PDHX: variants seen among roughly 807,000 people sequenced by gnomAD.
PDHX encodes pyruvate dehydrogenase complex component X, also known as pyruvate dehydrogenase protein X component, mitochondrial.
PDHX carries 33 observed loss-of-function variants against 55.3 expected under a neutral mutation model. The ratio of observed to expected loss-of-function variants is 0.60; its 90% CI spans 0.45 to 0.80. The LOEUF (loss-of-function observed/expected upper bound fraction) is 0.80. Ranked by LOEUF, PDHX falls within the 30% of genes least tolerant of loss-of-function variation. The pLI is 0.00. For missense variants in PDHX, 622 were observed against 619.9 expected (o/e 1.00, Z -0.04); for synonymous variants, 226 against 219.4 (o/e 1.03, Z -0.27).
chr11:34,995,098 G>A lies in PDHX; in HGVS notation c.1432G>A (p.Val478Ile), dbSNP rs1021125938. 5 of 1,613,942 alleles carry A rather than the reference G, an allele frequency of 3.1e-6. No individual in the cohort carries two copies. In the African/African-American group the frequency reaches 5.3e-5, roughly 17 times the overall value. The change falls in exon 11 of 11, where the codon GTT becomes ATT. Residue 478 changes from valine (V) to isoleucine (I), a missense_variant. By Grantham distance (29) the Val-to-Ile change is conservative. Coordinates refer to ENST00000227868, the MANE Select transcript of PDHX (RefSeq NM_003477.3). ...TVTMSSDSRVVDDELATRFLK... is the reference protein window; with the variant it reads ...TVTMSSDSRVIDDELATRFLK... ...CACAATGTCAAGTGACAGTCGAGTG[G>A]TTGATGACGAACTGGCAACCAGGTT...
chr11:34,916,654 A>G lies in PDHX; in HGVS notation c.-2A>G. The G allele has an allele frequency of 6.2e-7, 1 of 1,608,422 alleles. No individual in the cohort carries two copies. Among genetic ancestry groups the G allele is most frequent in the East Asian group, 2.2e-5 (1 of 44,876 alleles). On this transcript the variant is annotated 5_prime_UTR_variant, in exon 1 of 11. Transcript: ENST00000227868. ...CGGGCAGCCAGTGAGAAGGCCGTCAAGATGGCGGCCTCCTGGAGGCTGGGC... is the reference window on the plus strand; with the variant it reads ...CGGGCAGCCAGTGAGAAGGCCGTCAGGATGGCGGCCTCCTGGAGGCTGGGC...
intron 1 of PDHX, among the ~76,000 whole-genome samples, chr11:34,928,659 A>G (rs1291267773): frequency 6.6e-6 from 1 of 152,150 alleles, no homozygotes; most frequent in Non-Finnish European, 1.5e-5. Context: ...GTTATCTCCA[A>G]ATGCATTCAG....
At chr11:34,951,049 CTTT>C (rs1179399887) in intron 3 of PDHX, among the ~76,000 whole-genome samples, 29 of 88,590 alleles carry the variant, frequency 3.3e-4, no homozygotes, top group African/African-American at 1.2e-3. Flanking sequence ...TGTTTCCTGA[CTTT>C]TTTTTTTTTT....
intron 10 of PDHX, 94 bp from the exon 11 acceptor site, chr11:34,994,820 C>A: frequency 7.2e-7 from 1 of 1,388,536 alleles, no homozygotes; most frequent in Non-Finnish European, 1.0e-6. Context: ...TGCCTTACTA[C>A]ACTGCCTAGT....
intron 1 of PDHX, among the ~76,000 whole-genome samples, chr11:34,922,324 G>T (rs1297192786): frequency 6.6e-6 from 1 of 152,156 alleles, no homozygotes; most frequent in Non-Finnish European, 1.5e-5. Flanking sequence ...GGATAGGTTT[G>T]GGAATAATAA....
chr11:34,935,314 T>G (rs1355105288), intron 2 of PDHX, among the ~76,000 whole-genome samples: 1 of 152,202 alleles, frequency 6.6e-6, no homozygotes. Flanking sequence ...AAAGCTGTAT[T>G]ATGTCACTGT....
intron 3 of PDHX, among the ~76,000 whole-genome samples, chr11:34,952,198 A>G (rs1854790160): frequency 6.6e-6 from 1 of 152,192 alleles, no homozygotes; most frequent in Non-Finnish European, 1.5e-5. Flanking sequence ...GCAATAATCA[A>G]TAGCTTACCA....
chr11:34,929,140 G>T (rs2062438683), intron 1 of PDHX, among the ~76,000 whole-genome samples: 1 of 95,056 alleles, frequency 1.1e-5, no homozygotes, highest in African/African-American at 4.3e-5. Context: ...AACTCATTGT[G>T]GCTATTTTTC....
At chr11:34,919,938 A>G (rs567535847) in intron 1 of PDHX, among the ~76,000 whole-genome samples, 1 of 152,320 alleles carries the variant, frequency 6.6e-6, no homozygotes, top group Non-Finnish European at 1.5e-5. Context: ...GCTGATCCTT[A>G]AGGTATTTGT....
chr11:34,916,141 C>G, upstream of PDHX: 1 of 1,524,084 alleles, frequency 6.6e-7, no homozygotes, highest in Non-Finnish European at 8.8e-7. Flanking sequence ...AACGCCCGGC[C>G]CGCTACCCTG....
chr11:34,927,778 G>A (rs113150462), intron 1 of PDHX, among the ~76,000 whole-genome samples: 10 of 152,020 alleles, frequency 6.6e-5, no homozygotes, highest in Non-Finnish European at 7.4e-5. Context: ...TTAACTCTCC[G>A]TAATAAGCGA....
chr11:34,958,303 G>C (rs6484749), intron 4 of PDHX, among the ~76,000 whole-genome samples: 1 of 151,758 alleles, frequency 6.6e-6, no homozygotes, highest in African/African-American at 2.4e-5. Context: ...TTTAGGGGGG[G>C]GCGTGCGGAG....
chr11:34,946,219 A>G (rs1854615555), intron 2 of PDHX, among the ~76,000 whole-genome samples: 1 of 150,992 alleles, frequency 6.6e-6, no homozygotes, highest in Non-Finnish European at 1.5e-5. Context: ...GTTTCTTTTT[A>G]TTTCAATTAC....
At chr11:34,959,768 G>A (rs545401815) in intron 4 of PDHX, among the ~76,000 whole-genome samples, 1 of 152,188 alleles carries the variant, frequency 6.6e-6, no homozygotes, top group South Asian at 2.1e-4. Flanking sequence ...GATAAACCTT[G>A]AGAATATTAT....
At chr11:34,917,606 T>C (rs888558322) in intron 1 of PDHX, among the ~76,000 whole-genome samples, 2 of 152,102 alleles carry the variant, frequency 1.3e-5, no homozygotes, top group Non-Finnish European at 2.9e-5. Context: ...CCAATCATCG[T>C]TCCTGGCACT....
chr11:34,972,623 T>C (rs1855281756), intron 7 of PDHX, among the ~76,000 whole-genome samples: 1 of 152,134 alleles, frequency 6.6e-6, no homozygotes, highest in Non-Finnish European at 1.5e-5. Flanking sequence ...GGTCTCAAAC[T>C]CCTGGCCTCA....
At chr11:34,947,744 G>C (rs541327759) in intron 3 of PDHX, 138 bp downstream of exon 3, 4 of 667,742 alleles carry the variant, frequency 6.0e-6, no homozygotes, top group South Asian at 5.1e-5. Context: ...TTTAGTTCAA[G>C]TGTTTAAAAT....
intron 2 of PDHX, among the ~76,000 whole-genome samples, chr11:34,936,059 G>A (rs1404728323): frequency 6.6e-6 from 1 of 152,196 alleles, no homozygotes; most frequent in Non-Finnish European, 1.5e-5. Context: ...ACTAATGACA[G>A]ATGTGGGGAT....
chr11:34,921,295 T>C (rs1853873409), intron 1 of PDHX, among the ~76,000 whole-genome samples: 1 of 152,246 alleles, frequency 6.6e-6, no homozygotes, highest in South Asian at 2.1e-4. Flanking sequence ...CTTGCAATTA[T>C]CAATCTGTTT....
Sources: allele counts gnomAD v4.1 joint callset (sites outside exome capture counted in the v4.1 genomes callset), GRCh38; gene constraint gnomAD v4.1.1; transcripts MANE v1.5; gene names NCBI Gene and HGNC (gene_info 2026-07-23, HGNC 2026-07-21).